The following MGAT4D variants were observed in gnomAD, a reference collection of about 807,000 sequenced individuals.
MGAT4D encodes alpha-1,3-mannosyl-glycoprotein 4-beta-N-acetylglucosaminyltransferase-like protein MGAT4D.
Under a neutral mutation model 15.9 loss-of-function variants are expected in MGAT4D, and 34 were observed. That is an observed-to-expected ratio of 2.14 (90% CI 1.62 to 2.84). The LOEUF is 2.84. Among genes scored for constraint, MGAT4D ranks in the 30% most tolerant of loss-of-function variants. The probability of loss-of-function intolerance (pLI) is 0.00; values close to 1 mark genes in which losing one functional copy is unlikely to be tolerated. For synonymous variants in MGAT4D, 112 were observed against 48.2 expected, an observed-to-expected ratio of 2.33 and a Z score of -5.49; for missense variants, 327 against 140.2, an observed-to-expected ratio of 2.33 and a Z score of -6.73.
intron 10 of MGAT4D, among the ~76,000 whole-genome samples, 165 bp from the exon 11 acceptor site, chr4:140,443,609 T>A (rs1000715567): frequency 6.6e-6 from 1 of 152,054 alleles, no homozygotes; most frequent in African/African-American, 2.4e-5. Context: ...TGAGAGAAGA[T>A]AAGATTCTCA....
At chr4:140,456,537 G>A (rs1036413100) in intron 9 of MGAT4D, 52 bp downstream of exon 9, 2 of 532,992 alleles carry the variant, frequency 3.8e-6, no homozygotes, top group Middle Eastern at 2.8e-4. Flanking sequence ...AATTACGTTG[G>A]ATAGATAATA....
In MGAT4D at chr4:140,498,239, C is replaced by CG. The variant is rs776700749; in HGVS notation, c.-18dup. ...GGTCCTCATGGCCCTGGCCAGGCTG[C>CG]GGGAGGCCGGCGGGTGGAGGCGGCG... On this transcript the variant is annotated 5_prime_UTR_variant, in exon 1 of 11. Transcript: ENST00000511113. The CG allele has an allele frequency of 2.9e-3, 2,059 of 701,442 alleles. 7 individuals carry two copies. Among genetic ancestry groups the CG allele is most frequent in the Non-Finnish European group, 3.8e-3 (1,451 of 384,084 alleles). 43.5% of individuals were successfully genotyped at this position (701,442 alleles called of 1,614,324 possible).
At chr4:140,483,332 G>A (rs950911878) in intron 1 of MGAT4D, among the ~76,000 whole-genome samples, 1 of 152,194 alleles carries the variant, frequency 6.6e-6, no homozygotes, top group East Asian at 1.9e-4. Flanking sequence ...TGAAAGAATG[G>A]TGCACTGAAA....
At chr4:140,481,426 T>C (rs1732723443) in intron 2 of MGAT4D, among the ~76,000 whole-genome samples, 1 of 152,180 alleles carries the variant, frequency 6.6e-6, no homozygotes, top group Non-Finnish European at 1.5e-5. Context: ...AAACATATAC[T>C]TACATATGCC....
chr4:140,452,710 T>C (rs909275442), intron 9 of MGAT4D, among the ~76,000 whole-genome samples: 7 of 152,184 alleles, frequency 4.6e-5, no homozygotes, highest in Non-Finnish European at 7.4e-5. Context: ...TAGTCTGTGG[T>C]GTCTTATCCT....
chr4:140,446,011 T>TA (rs1730096484), intron 10 of MGAT4D, among the ~76,000 whole-genome samples: 1 of 152,246 alleles, frequency 6.6e-6, no homozygotes, highest in African/African-American at 2.4e-5. Context: ...ATGCCAGGGA[T>TA]AAAGCTTACT....
At chr4:140,467,618 A>G (rs1028141546) in intron 5 of MGAT4D, among the ~76,000 whole-genome samples, 1 of 152,150 alleles carries the variant, frequency 6.6e-6, no homozygotes, top group Admixed American at 6.5e-5. Flanking sequence ...ACACCTTTCT[A>G]GGACTCTCTA....
intron 1 of MGAT4D, among the ~76,000 whole-genome samples, chr4:140,489,495 C>T (rs184277512): frequency 4.4e-4 from 67 of 152,242 alleles, no homozygotes; most frequent in African/African-American, 1.5e-3. Flanking sequence ...AGATCCAATT[C>T]CCCTTCCTCC....
intron 1 of MGAT4D, among the ~76,000 whole-genome samples, chr4:140,494,217 C>A (rs895560940): frequency 6.6e-6 from 1 of 152,158 alleles, no homozygotes; most frequent in Admixed American, 6.6e-5. Flanking sequence ...TCCAGGTGAC[C>A]CGGATGAAGT....
intron 9 of MGAT4D, among the ~76,000 whole-genome samples, chr4:140,454,304 G>T (rs1730659819): frequency 6.6e-6 from 1 of 152,006 alleles, no homozygotes; most frequent in Admixed American, 6.6e-5. Flanking sequence ...TGGCTGGGAG[G>T]TTTTATTACG....
Position 140,474,933 on chromosome 4 carries a change from C to T in MGAT4D, c.405G>A (p.Leu135=). ...TTCCTCTGTTAACAGTGGAAATACC[C>T]AGCGCAAAAGAAACTGTGGACATAG... is the stretch of plus-strand genomic sequence containing the variant. ...GKGKTGVSFA[L]GISTVNRGNY... Residue 135 remains leucine, a synonymous_variant, in exon 4 of 11, where the codon CTG becomes CTA. Coordinates refer to ENST00000511113, the MANE Select transcript of MGAT4D (RefSeq NM_001277353.2). The T allele has an allele frequency of 1.5e-6, 1 of 685,534 alleles. No individual in the cohort carries two copies. The highest frequency in any genetic ancestry group is 1.8e-5 in the African/African-American group (1 of 56,212). The allele number at this position is 685,534 out of a possible 1,614,324, so 42.5% of individuals were successfully genotyped here.
chr4:140,459,799 C>CTTTTTTT (rs576574327), intron 7 of MGAT4D, among the ~76,000 whole-genome samples, 173 bp from the exon 8 acceptor site: 6 of 109,064 alleles, frequency 5.5e-5, no homozygotes, highest in East Asian at 2.6e-4. Context: ...AGTTGATTTC[C>CTTTTTTT]TTTTTTTTTT....
At chr4:140,468,533 A>G (rs1731700095) in intron 5 of MGAT4D, among the ~76,000 whole-genome samples, 1 of 152,140 alleles carries the variant, frequency 6.6e-6, no homozygotes, top group Non-Finnish European at 1.5e-5. Flanking sequence ...AAGAATACCA[A>G]ACTAGCATAG....
rs771469791 is a variant in MGAT4D, at chr4:140,479,535, C to T, written c.346G>A (p.Gly116Ser). ...ATGATTACATCAGGATAAATTCTAC[C>T]TTCTTTCCTTAGATGAGGAAAAAAG... ...KFFFPHLRKE[G>S]RIYPDVIIGK... Residue 116 changes from glycine to serine, a missense_variant, in exon 3 of 11, where the codon GGT becomes AGT. Coordinates refer to ENST00000511113, the MANE Select transcript of MGAT4D (RefSeq NM_001277353.2). 1.8e-6 allele frequency: 1 copy of T among 553,514 alleles called. No homozygotes were observed. Among genetic ancestry groups the T allele is most frequent in the South Asian group, 2.5e-5 (1 of 40,456 alleles). 34.3% of individuals were successfully genotyped at this position (553,514 alleles called of 1,614,324 possible). A position where few individuals can be genotyped will look rare whatever the true frequency, so the allele number is the denominator to read the frequency against.
intron 3 of MGAT4D, among the ~76,000 whole-genome samples, chr4:140,477,312 T>C (rs1038733356): frequency 2.6e-5 from 4 of 152,190 alleles, no homozygotes; most frequent in Non-Finnish European, 1.5e-5. Flanking sequence ...ACAGCACCAG[T>C]CACTTTATAT....
At chr4:140,471,894 C>A in intron 4 of MGAT4D, 73 bp from the exon 5 acceptor site, 1 of 312,422 alleles carries the variant, frequency 3.2e-6, no homozygotes, top group East Asian at 5.3e-5. Flanking sequence ...TCTTTTGCTA[C>A]ATATAAATCT....
rs1055219312 is a variant in MGAT4D, at chr4:140,479,542, C to T, written c.339G>A (p.Arg113=). The change falls in exon 3 of 11, where the codon AGG becomes AGA. Residue 113 remains arginine, a synonymous_variant. Coordinates refer to ENST00000511113, the MANE Select transcript of MGAT4D (RefSeq NM_001277353.2). ...CATCAGGATAAATTCTACCTTCTTT[C>T]CTTAGATGAGGAAAAAAGAACTTTA... is the stretch of plus-strand genomic sequence containing the variant. ...EDLKFFFPHL[R]KEGRIYPDVI... 1.3e-5 allele frequency: 7 copies of T among 553,970 alleles called. No individual in the cohort carries two copies. Among genetic ancestry groups the T allele is most frequent in the African/African-American group, 3.9e-5 (2 of 51,048 alleles). 34.3% of individuals were successfully genotyped at this position (553,970 alleles called of 1,614,324 possible).
intron 9 of MGAT4D, among the ~76,000 whole-genome samples, chr4:140,453,438 A>G (rs1016757568): frequency 1.3e-5 from 2 of 152,132 alleles, no homozygotes; most frequent in Admixed American, 6.6e-5. Flanking sequence ...TGTCCAGCAT[A>G]TAGACAATAT....
At chr4:140,486,330 A>G (rs1379429753) in intron 1 of MGAT4D, among the ~76,000 whole-genome samples, 1 of 152,134 alleles carries the variant, frequency 6.6e-6, no homozygotes, top group Non-Finnish European at 1.5e-5. Context: ...CCTTTGTAAG[A>G]TAGCACAGCC....
Sources: gnomAD v4.1 joint callset for allele counts (sites outside exome capture counted in the v4.1 genomes callset) on GRCh38, gnomAD v4.1.1 for gene constraint, MANE v1.5 for transcripts, NCBI Gene and HGNC (gene_info 2026-07-23, HGNC 2026-07-21) for gene names.